The following TCF4 variants were observed in gnomAD, a reference collection of about 807,000 sequenced individuals.
TCF4 encodes SL3-3 enhancer factor 2.
TCF4 carries 3 observed loss-of-function variants against 82.1 expected under a neutral mutation model. The ratio of observed to expected loss-of-function variants is 0.04; its 90% CI spans 0.02 to 0.09. TCF4 has a LOEUF of 0.09. Among genes scored for constraint, TCF4 ranks in the 10% least tolerant of loss-of-function variants. TCF4 has a pLI of 1.00. For synonymous variants in TCF4, 276 were observed against 309.6 expected (o/e 0.89, Z 1.14); for missense variants, 518 against 852.7 (o/e 0.61, Z 4.89).
At chr18:55,455,179 C>CAAAAAAAAAAAA (rs35889370) in intron 5 of TCF4, among the ~76,000 whole-genome samples, 74 of 67,444 alleles carry the variant, frequency 1.1e-3, no homozygotes, top group African/African-American at 1.5e-3. Flanking sequence ...GACTCTGTCT[C>CAAAAAAAAAAAA]AAAAAAAAAA....
intron 5 of TCF4, among the ~76,000 whole-genome samples, chr18:55,425,974 T>C (rs1250972999): frequency 6.6e-6 from 1 of 152,104 alleles, no homozygotes; most frequent in African/African-American, 2.4e-5. Context: ...TCTTGGAGAT[T>C]TGTTTCCTTT....
chr18:55,526,490 G>GAGGTTACTCCAGTAA (rs1158054036), intron 3 of TCF4, among the ~76,000 whole-genome samples: 1 of 152,154 alleles, frequency 6.6e-6, no homozygotes, highest in Non-Finnish European at 1.5e-5. Context: ...AGATCTAGCA[G>GAGGTTACTCCAGTAA]AGGTTACTCC....
intron 6 of TCF4, chr18:55,351,819 A>C: frequency 1.1e-6 from 1 of 912,984 alleles, no homozygotes; most frequent in Non-Finnish European, 1.3e-6. Context: ...TCGCTTGATT[A>C]TACTCTGCAT....
At chr18:55,390,398 G>GA (rs1350274523) in intron 6 of TCF4, among the ~76,000 whole-genome samples, 2 of 151,862 alleles carry the variant, frequency 1.3e-5, no homozygotes, top group African/African-American at 4.8e-5. Context: ...AGCATGTGAG[G>GA]ATCTTCAGTG....
At chr18:55,499,033 G>A (rs899125544) in intron 3 of TCF4, among the ~76,000 whole-genome samples, 2 of 152,042 alleles carry the variant, frequency 1.3e-5, no homozygotes, top group African/African-American at 2.4e-5. Context: ...GATCTTCAAC[G>A]ATGGGTTCAT....
intron 3 of TCF4, among the ~76,000 whole-genome samples, chr18:55,544,828 C>A (rs531031005): frequency 6.6e-6 from 1 of 152,042 alleles, no homozygotes; most frequent in Non-Finnish European, 1.5e-5. Flanking sequence ...CTGGCGTCAT[C>A]AAGCAGAAAA....
intron 8 of TCF4, among the ~76,000 whole-genome samples, chr18:55,290,130 G>C (rs2064706216): frequency 6.6e-6 from 1 of 152,106 alleles, no homozygotes; most frequent in Admixed American, 6.6e-5. Flanking sequence ...CTTTCTTTAG[G>C]ATATGGAATT....
At chr18:55,237,518 G>GGA (rs1183924852) in intron 15 of TCF4, among the ~76,000 whole-genome samples, 1 of 140,496 alleles carries the variant, frequency 7.1e-6, no homozygotes, top group Non-Finnish European at 1.5e-5. Context: ...CACCCAGGCT[G>GGA]GAGTGCAGGG....
chr18:55,484,770 A>C (rs752625390), intron 3 of TCF4, among the ~76,000 whole-genome samples: 4 of 152,244 alleles, frequency 2.6e-5, no homozygotes, highest in African/African-American at 4.8e-5. Context: ...TTTTTTATTC[A>C]GAATGTGAGT....
chr18:55,300,815 A>C (rs751274228), intron 8 of TCF4, among the ~76,000 whole-genome samples: 23 of 152,092 alleles, frequency 1.5e-4, no homozygotes, highest in Admixed American at 9.8e-4. Flanking sequence ...TGCACAGTGC[A>C]CCATGAAAAA....
chr18:55,412,555 C>A (rs1289306223), intron 5 of TCF4, among the ~76,000 whole-genome samples: 1 of 152,104 alleles, frequency 6.6e-6, no homozygotes, highest in East Asian at 1.9e-4. Flanking sequence ...TCTAGTGAAC[C>A]TGACCTGGTT....
intron 8 of TCF4, among the ~76,000 whole-genome samples, chr18:55,314,930 G>A (rs1364761430): frequency 1.3e-5 from 2 of 152,048 alleles, no homozygotes; most frequent in Non-Finnish European, 2.9e-5. Flanking sequence ...TAGGTTTGTG[G>A]AGGTGAAAAA....
At chr18:55,444,103 G>A (rs911264739) in intron 5 of TCF4, among the ~76,000 whole-genome samples, 4 of 152,170 alleles carry the variant, frequency 2.6e-5, no homozygotes, top group African/African-American at 9.7e-5. Flanking sequence ...TGAAAGGACA[G>A]AATTATTGCA....
intron 6 of TCF4, among the ~76,000 whole-genome samples, chr18:55,390,373 G>A (rs570917379): frequency 7.4e-5 from 11 of 148,412 alleles, no homozygotes; most frequent in Non-Finnish European, 1.3e-4. Context: ...ATTAGCTGAA[G>A]TCATCTACCT....
chr18:55,474,620 C>A (rs1293650728), intron 3 of TCF4, among the ~76,000 whole-genome samples: 1 of 152,198 alleles, frequency 6.6e-6, no homozygotes, highest in East Asian at 1.9e-4. Flanking sequence ...CACCCAAATA[C>A]TCCAAGGAAC....
chr18:55,619,295 T>C (rs1328496992), intron 2 of TCF4, among the ~76,000 whole-genome samples: 1 of 152,188 alleles, frequency 6.6e-6, no homozygotes, highest in Non-Finnish European at 1.5e-5. Flanking sequence ...TCCTAACCCA[T>C]TTCCTCTAAC....
chr18:55,461,008 A>C lies in TCF4; in HGVS notation c.304+11T>G. The C allele has an allele frequency of 6.2e-7, 1 of 1,610,880 alleles. No homozygotes were observed. The highest frequency in any genetic ancestry group is 2.2e-5 in the East Asian group (1 of 44,796). ...TTCAAAAAGTGTAAGTTAATTTAAA[A>C]TGGGTCTTACTTTGTATTCTGGAAT... On this transcript the variant is annotated intron_variant, in intron 5 of 19. Transcript: ENST00000354452.
intron 8 of TCF4, chr18:55,320,779 T>C (rs1365968112): frequency 6.6e-6 from 1 of 152,402 alleles, no homozygotes; most frequent in Admixed American, 6.5e-5. Flanking sequence ...TTTAAAACAA[T>C]AAATTTTTGC....
chr18:55,372,741 A>ACTGTT (rs2089645918), intron 6 of TCF4, among the ~76,000 whole-genome samples: 1 of 152,218 alleles, frequency 6.6e-6, no homozygotes, highest in African/African-American at 2.4e-5. Flanking sequence ...CTGTTGATGC[A>ACTGTT]ATTTAAAACG....
Sources: allele counts gnomAD v4.1 joint callset (sites outside exome capture counted in the v4.1 genomes callset), GRCh38; gene constraint gnomAD v4.1.1; transcripts MANE v1.5; gene names NCBI Gene and HGNC (gene_info 2026-07-23, HGNC 2026-07-21).